The following SMOC2 variants were observed in gnomAD, a reference collection of about 807,000 sequenced individuals.
SMOC2 encodes the protein SPARC related modular calcium binding 2.
In SMOC2, 39 loss-of-function variants were observed where a neutral mutation model predicts 61.4. That is an observed-to-expected ratio of 0.64 (90% CI 0.49 to 0.83). SMOC2 has a LOEUF of 0.83. Ranked by LOEUF, SMOC2 falls within the 40% of genes least tolerant of loss-of-function variation. SMOC2 has a pLI of 0.00. For synonymous variants in SMOC2, 247 were observed against 239.9 expected, an observed-to-expected ratio of 1.03 and a Z score of -0.27; for missense variants, 556 against 592.9, an observed-to-expected ratio of 0.94 and a Z score of 0.65.
intron 9 of SMOC2, among the ~76,000 whole-genome samples, chr6:168,608,493 G>A (rs183415328): frequency 6.2e-4 from 94 of 152,154 alleles, no homozygotes; most frequent in Non-Finnish European, 1.1e-3. Context: ...AGAAAGAAAG[G>A]GCCCCTCACA....
chr6:168,515,397 G>A (rs1165719239), intron 2 of SMOC2, among the ~76,000 whole-genome samples: 3 of 152,178 alleles, frequency 2.0e-5, no homozygotes, highest in Admixed American at 6.5e-5. Context: ...TGGGTGTCAC[G>A]CCCTTCTGAT....
At chr6:168,539,609 G>T (rs1025956378) in intron 4 of SMOC2, among the ~76,000 whole-genome samples, 43 of 152,370 alleles carry the variant, frequency 2.8e-4, no homozygotes, top group Admixed American at 5.9e-4. Flanking sequence ...GCCTGAGAGA[G>T]TCCTGCCAGA....
intron 1 of SMOC2, among the ~76,000 whole-genome samples, chr6:168,442,430 A>G (rs1203777776): frequency 6.6e-6 from 1 of 152,238 alleles, no homozygotes; most frequent in Non-Finnish European, 1.5e-5. Flanking sequence ...GGGTGTCTGC[A>G]GCCCCCAGCT....
intron 7 of SMOC2, among the ~76,000 whole-genome samples, chr6:168,595,594 G>C (rs181566349): frequency 1.3e-5 from 2 of 152,220 alleles, no homozygotes; most frequent in Admixed American, 6.5e-5. Context: ...TGCCTCCACT[G>C]TGGCCCTTAC....
At chr6:168,511,025 T>C (rs1782994297) in intron 2 of SMOC2, among the ~76,000 whole-genome samples, 1 of 152,136 alleles carries the variant, frequency 6.6e-6, no homozygotes, top group Non-Finnish European at 1.5e-5. Flanking sequence ...TAGAAACCTG[T>C]TGGATGGCGC....
At chr6:168,572,987 A>G (rs113048919) in intron 7 of SMOC2, among the ~76,000 whole-genome samples, 393 of 35,936 alleles carry the variant, frequency 0.011, 6 homozygotes, top group African/African-American at 0.032. Flanking sequence ...TTTCCTCCCC[A>G]CATCCCCGGG....
chr6:168,665,454 T>C (rs1309620342), intron 12 of SMOC2, among the ~76,000 whole-genome samples: 1 of 152,242 alleles, frequency 6.6e-6, no homozygotes, highest in African/African-American at 2.4e-5. Context: ...AATAACATAG[T>C]GCCAGCCAGC....
At chr6:168,555,919 G>A (rs1784238269) in intron 7 of SMOC2, among the ~76,000 whole-genome samples, 3 of 152,188 alleles carry the variant, frequency 2.0e-5, no homozygotes, top group Admixed American at 2.0e-4. Flanking sequence ...CAGGGTGGGC[G>A]GCTGCTGGAT....
intron 7 of SMOC2, among the ~76,000 whole-genome samples, chr6:168,576,768 G>T (rs1784813382): frequency 6.6e-6 from 1 of 152,062 alleles, no homozygotes; most frequent in Non-Finnish European, 1.5e-5. Context: ...TTCTGGCAGT[G>T]TCGTGATCGT....
chr6:168,520,001 A>G (rs376046406), intron 2 of SMOC2, among the ~76,000 whole-genome samples: 17 of 152,298 alleles, frequency 1.1e-4, no homozygotes, highest in East Asian at 9.6e-4. Context: ...TAAAACGAAA[A>G]TGTCGTTCCT....
intron 9 of SMOC2, among the ~76,000 whole-genome samples, chr6:168,612,016 T>G (rs1262177719): frequency 1.3e-5 from 2 of 152,116 alleles, no homozygotes; most frequent in African/African-American, 4.8e-5. Flanking sequence ...ATCCGCGAGG[T>G]GGAACGAAGG....
At chr6:168,441,518 G>C in intron 1 of SMOC2, 64 bp downstream of exon 1, 1 of 1,427,804 alleles carries the variant, frequency 7.0e-7, no homozygotes, top group Non-Finnish European at 9.1e-7. Flanking sequence ...GGCCGGGTTC[G>C]GGTCCCCGCG....
At chr6:168,581,774 C>T (rs959014018) in intron 7 of SMOC2, among the ~76,000 whole-genome samples, 1 of 152,194 alleles carries the variant, frequency 6.6e-6, no homozygotes, top group African/African-American at 2.4e-5. Flanking sequence ...GCCTGGGACC[C>T]CGCTGCCTCC....
chr6:168,605,481 C>T (rs947111495), intron 8 of SMOC2, among the ~76,000 whole-genome samples: 3 of 152,118 alleles, frequency 2.0e-5, no homozygotes, highest in African/African-American at 7.2e-5. Flanking sequence ...ACTTATTTCT[C>T]CTCTTTCTCC....
chr6:168,525,854 A>AC (rs1436872892), intron 2 of SMOC2, among the ~76,000 whole-genome samples: 2 of 151,220 alleles, frequency 1.3e-5, no homozygotes, highest in Non-Finnish European at 3.0e-5. Flanking sequence ...GCGTCCTGAG[A>AC]CCCCCGCCCC....
rs1424369444 is a variant in SMOC2 at position 168,544,706 on chromosome 6, G to A, written c.511+1034G>A. 2.6e-5 allele frequency among the ~76,000 whole-genome samples: 4 copies of A among 152,066 alleles called. No individual in the cohort carries two copies. Among genetic ancestry groups the A allele is most frequent in the East Asian group, 1.9e-4 (1 of 5,174 alleles). On this transcript the variant is annotated intron_variant, in intron 5 of 12. Coordinates refer to ENST00000356284, the MANE Select transcript of SMOC2 (RefSeq NM_001166412.2). This position sits in a 1 kb window ranked among gnomAD's most constrained non-coding sequence, Gnocchi z 4.1. ...AAACAAAATAATAAAAATAAAAATC[G>A]GAGTTTTATTCAACCAATCCCTTCT...
At position 168,553,955 on chromosome 6, in the gene SMOC2, G is replaced by GT. The variant is rs2115112969; in HGVS notation, c.637+4753dup. Among the ~76,000 whole-genome samples the GT allele has an allele frequency of 6.6e-6, 1 of 151,064 alleles. No homozygotes were observed. Among genetic ancestry groups the GT allele is most frequent in the Admixed American group, 6.6e-5 (1 of 15,250 alleles). On this transcript the variant is annotated intron_variant, in intron 7 of 12. Coordinates refer to ENST00000356284, the MANE Select transcript of SMOC2 (RefSeq NM_001166412.2). This position sits in a 1 kb window ranked among gnomAD's most constrained non-coding sequence, Gnocchi z 4.2. ...GTGCATGGTGCCCCTTCCCCACCAG[G>GT]TATCAGCGTTTTTCACGTTTTGGTA...
At chr6:168,575,723 TC>T (rs1244887116) in intron 7 of SMOC2, among the ~76,000 whole-genome samples, 5 of 152,154 alleles carry the variant, frequency 3.3e-5, no homozygotes, top group Non-Finnish European at 5.9e-5. Context: ...TGCGCCAGGC[TC>T]CCGGCCCCAG....
chr6:168,514,790 T>C (rs1351009904), intron 2 of SMOC2, among the ~76,000 whole-genome samples: 2 of 152,212 alleles, frequency 1.3e-5, no homozygotes, highest in African/African-American at 4.8e-5. Context: ...CAGTCGGATG[T>C]GCCATTGAAA....
Sources: gnomAD v4.1 joint callset for allele counts (sites outside exome capture counted in the v4.1 genomes callset) on GRCh38, gnomAD v4.1.1 for gene constraint, Gnocchi (gnomAD v3.1) non-coding constraint, MANE v1.5 for transcripts, NCBI Gene and HGNC (gene_info 2026-07-23, HGNC 2026-07-21) for gene names.